CACNG2: variants seen among roughly 807,000 people sequenced by gnomAD.
CACNG2 encodes voltage-dependent calcium channel gamma-2 subunit.
In CACNG2, 3 loss-of-function variants were observed where a neutral mutation model predicts 25.9. The observed-to-expected ratio is 0.12, with a 90% confidence interval of 0.05 to 0.30. The LOEUF (loss-of-function observed/expected upper bound fraction) is 0.30, where lower values mean the gene tolerates loss of function less well. Ranked by LOEUF, CACNG2 falls within the 10% of genes least tolerant of loss-of-function variation. The pLI is 1.00. For missense variants in CACNG2, 341 were observed against 432.5 expected (o/e 0.79, Z 1.88); for synonymous variants, 167 against 173.3 (o/e 0.96, Z 0.29).
intron 1 of CACNG2, among the ~76,000 whole-genome samples, chr22:36,601,873 AT>A (rs570414967): frequency 1.5e-3 from 223 of 150,968 alleles, no homozygotes; most frequent in African/African-American, 4.5e-3. Flanking sequence ...TTCTATTTTT[AT>A]TTTTTTTTGA....
In CACNG2 at chr22:36,606,069, G is replaced by A. The variant is rs756062390; in HGVS notation, c.212-18521C>T. Among the ~76,000 whole-genome samples, 2 of 152,194 alleles carry A rather than the reference G, an allele frequency of 1.3e-5. No homozygotes were observed. The highest frequency in any genetic ancestry group is 4.8e-5 in the African/African-American group (2 of 41,438). On this transcript the variant is annotated intron_variant, in intron 1 of 3. Transcript: ENST00000300105. This position sits in a 1 kb window ranked among gnomAD's most constrained non-coding sequence, Gnocchi z 5.7. ...GCCGTGTATTAACCATGTGCTCTCG[G>A]ACAAGGTGTTCATCTTTCAGTTCAG... is the stretch of plus-strand genomic sequence containing the variant.
At chr22:36,616,871 T>C (rs1236461103) in intron 1 of CACNG2, among the ~76,000 whole-genome samples, 3 of 152,220 alleles carry the variant, frequency 2.0e-5, no homozygotes, top group Non-Finnish European at 4.4e-5. Flanking sequence ...TTCTACTCTG[T>C]GTTGGGCATT....
At position 36,665,129 on chromosome 22, in the gene CACNG2, C is replaced by T. The variant is rs564919370; in HGVS notation, c.211+37237G>A. ...GGCAGCCTGTAGGATTTATTTCCCA[C>T]ACCTCCTTGCTCCTCTCCAAGCCTC... On this transcript the variant is annotated intron_variant, in intron 1 of 3. Transcript: ENST00000300105. Among the ~76,000 whole-genome samples the T allele has an allele frequency of 1.7e-4, 26 of 152,302 alleles. No individual in the cohort carries two copies. In the South Asian group the frequency reaches 5.0e-3, roughly 29 times the overall value.
intron 1 of CACNG2, among the ~76,000 whole-genome samples, chr22:36,593,628 G>A (rs1249000734): frequency 6.6e-6 from 1 of 152,142 alleles, no homozygotes; most frequent in Non-Finnish European, 1.5e-5. Flanking sequence ...AAGGTGCCAT[G>A]GCAAGGATTT....
At chr22:36,685,976 C>G (rs572399616) in intron 1 of CACNG2, among the ~76,000 whole-genome samples, 1 of 152,192 alleles carries the variant, frequency 6.6e-6, no homozygotes, top group Non-Finnish European at 1.5e-5. Flanking sequence ...GCCGGACAGC[C>G]GGTCACAGAG....
chr22:36,666,834 G>C (rs910964312), intron 1 of CACNG2, among the ~76,000 whole-genome samples: 1 of 151,536 alleles, frequency 6.6e-6, no homozygotes, highest in Non-Finnish European at 1.5e-5. Context: ...TCTCTATCAC[G>C]GCCACCTCTC....
chr22:36,612,735 C>A (rs530997266), intron 1 of CACNG2, among the ~76,000 whole-genome samples: 1 of 152,338 alleles, frequency 6.6e-6, no homozygotes, highest in East Asian at 1.9e-4. Flanking sequence ...CCCAAACATA[C>A]CCCCTCCACC....
At chr22:36,664,525 C>T (rs959994508) in intron 1 of CACNG2, among the ~76,000 whole-genome samples, 1 of 152,208 alleles carries the variant, frequency 6.6e-6, no homozygotes, top group African/African-American at 2.4e-5. Context: ...ACCTACACCC[C>T]TTTCCGGGCT....
chr22:36,638,122 G>C (rs1252128142), intron 1 of CACNG2, among the ~76,000 whole-genome samples: 1 of 152,122 alleles, frequency 6.6e-6, no homozygotes, highest in Non-Finnish European at 1.5e-5. Context: ...AATATCATTG[G>C]TGGTCCATTT....
intron 1 of CACNG2, among the ~76,000 whole-genome samples, chr22:36,647,905 A>T (rs1194374085): frequency 6.6e-6 from 1 of 152,222 alleles, no homozygotes; most frequent in African/African-American, 2.4e-5. Flanking sequence ...ATACGTGTGT[A>T]TATGTCTAAG....
chr22:36,679,219 T>TTTCC (rs1937062603), intron 1 of CACNG2, among the ~76,000 whole-genome samples: 1 of 140,664 alleles, frequency 7.1e-6, no homozygotes, highest in African/African-American at 2.6e-5. Flanking sequence ...TCTTTCTTTC[T>TTTCC]TTCTTTCTTT....
At chr22:36,652,575 A>C (rs910115537) in intron 1 of CACNG2, among the ~76,000 whole-genome samples, 1 of 152,192 alleles carries the variant, frequency 6.6e-6, no homozygotes, top group Non-Finnish European at 1.5e-5. Flanking sequence ...TGTAAGAGCA[A>C]AACCCCCATA....
At chr22:36,580,463 G>T (rs2267340) in intron 2 of CACNG2, among the ~76,000 whole-genome samples, 41,316 of 152,004 alleles carry the variant, frequency 0.27, 5,803 homozygotes, top group African/African-American at 0.32. Context: ...GGGGGCATCT[G>T]CTTTGATGAG....
At chr22:36,653,470 C>G (rs555583910) in intron 1 of CACNG2, among the ~76,000 whole-genome samples, 1 of 152,220 alleles carries the variant, frequency 6.6e-6, no homozygotes, top group Non-Finnish European at 1.5e-5. Flanking sequence ...TTGGCTGGAG[C>G]TGACCGGGGG....
chr22:36,617,625 G>T (rs1936043027), intron 1 of CACNG2, among the ~76,000 whole-genome samples: 1 of 146,614 alleles, frequency 6.8e-6, no homozygotes, highest in African/African-American at 2.6e-5. Context: ...CCTGATCCTG[G>T]GCATCTAGTA....
At chr22:36,682,470 T>G (rs770298815) in intron 1 of CACNG2, among the ~76,000 whole-genome samples, 4 of 151,878 alleles carry the variant, frequency 2.6e-5, no homozygotes, top group Non-Finnish European at 5.9e-5. Context: ...AACATTTCCT[T>G]TTTATCTTGT....
chr22:36,696,479 AC>A (rs1383356078), intron 1 of CACNG2, among the ~76,000 whole-genome samples: 2 of 152,160 alleles, frequency 1.3e-5, no homozygotes, highest in African/African-American at 2.4e-5. Flanking sequence ...GTGTGAAGGG[AC>A]CACCCTTTCT....
chr22:36,625,026 C>CAAAA (rs57987215), intron 1 of CACNG2, among the ~76,000 whole-genome samples: 1 of 67,650 alleles, frequency 1.5e-5, no homozygotes, highest in African/African-American at 7.0e-5. Flanking sequence ...GACTCTGTCT[C>CAAAA]AAAAAAAAAA....
At chr22:36,675,515 G>T (rs533333022) in intron 1 of CACNG2, among the ~76,000 whole-genome samples, 1 of 152,208 alleles carries the variant, frequency 6.6e-6, no homozygotes, top group East Asian at 1.9e-4. Flanking sequence ...TTTTCTCAAA[G>T]AACTGGGAGC....
Sources: allele counts gnomAD v4.1 joint callset (sites outside exome capture counted in the v4.1 genomes callset), GRCh38; gene constraint gnomAD v4.1.1; non-coding constraint Gnocchi (gnomAD v3.1); transcripts MANE v1.5; gene names NCBI Gene and HGNC (gene_info 2026-07-23, HGNC 2026-07-21).